The following ABLIM2 variants were observed in gnomAD, a reference collection of about 807,000 sequenced individuals.
ABLIM2 encodes actin-binding LIM protein 2.
A neutral mutation model predicts 97.7 loss-of-function variants in ABLIM2; 53 were observed. The observed-to-expected ratio is 0.54, with a 90% confidence interval of 0.44 to 0.68. ABLIM2 has a LOEUF of 0.68. Ranked by LOEUF, ABLIM2 falls within the 30% of genes least tolerant of loss-of-function variation. ABLIM2 has a pLI of 0.00. For synonymous variants in ABLIM2, 361 were observed against 345.8 expected (o/e 1.04, Z -0.49); for missense variants, 835 against 867.2 (o/e 0.96, Z 0.47).
chr4:8,002,890 C>T lies in ABLIM2; in HGVS notation c.1618+5169G>A, dbSNP rs1181300194. Among the ~76,000 whole-genome samples, 2 of 152,210 alleles carry T rather than the reference C, an allele frequency of 1.3e-5. No homozygotes were observed. Among genetic ancestry groups the T allele is most frequent in the Admixed American group, 6.5e-5 (1 of 15,272 alleles). ...ACCCACTTCAAGCCGTGCCAGGTACCGTCTCTCTGCACTGACTACTTACTG... is the reference window on the plus strand; with the variant it reads ...ACCCACTTCAAGCCGTGCCAGGTACTGTCTCTCTGCACTGACTACTTACTG... On this transcript the variant is annotated intron_variant, in intron 16 of 20. Coordinates refer to ENST00000447017, the MANE Select transcript of ABLIM2 (RefSeq NM_001130083.2). This position sits in a 1 kb window ranked among gnomAD's most constrained non-coding sequence, Gnocchi z 6.1.
intron 1 of ABLIM2, among the ~76,000 whole-genome samples, chr4:8,142,963 G>A (rs1384082971): frequency 1.3e-5 from 2 of 152,164 alleles, no homozygotes; most frequent in African/African-American, 4.8e-5. Flanking sequence ...ACGTGGCCTT[G>A]GGACCTGTTC....
chr4:8,027,619 A>C (rs1778228638), intron 12 of ABLIM2, 140 bp downstream of exon 12: 1 of 570,644 alleles, frequency 1.8e-6, no homozygotes, highest in African/African-American at 2.0e-5. Context: ...AGCCAGACAC[A>C]CAAGACACAC....
Position 7,970,970 on chromosome 4 carries a change from G to A in ABLIM2, c.1825-3867C>T, listed in dbSNP as rs1424411500. ...GCTCCAGTCCTGTTTTCTGTCTGCA[G>A]CGTGAGAGAACTTGGTTGCCTGGGT... On this transcript the variant is annotated intron_variant, in intron 20 of 20. Transcript: ENST00000447017. The surrounding 1 kb of genome is among the most constrained non-coding windows in gnomAD (Gnocchi z 5.3). 6.6e-6 allele frequency among the ~76,000 whole-genome samples: 1 copy of A among 152,108 alleles called. No individual in the cohort carries two copies. Among genetic ancestry groups the A allele is most frequent in the Non-Finnish European group, 1.5e-5 (1 of 67,988 alleles).
chr4:8,047,089 AC>A (rs1280027605), intron 8 of ABLIM2, among the ~76,000 whole-genome samples: 3 of 152,162 alleles, frequency 2.0e-5, no homozygotes, highest in Non-Finnish European at 4.4e-5. Flanking sequence ...CTCAGCGCAC[AC>A]CAGCGAGGAT....
At chr4:8,108,658 C>G (rs904005267) in intron 1 of ABLIM2, among the ~76,000 whole-genome samples, 4 of 152,252 alleles carry the variant, frequency 2.6e-5, no homozygotes, top group Non-Finnish European at 5.9e-5. Flanking sequence ...ACCAATCACA[C>G]GGGACGCCCC....
chr4:8,024,136 G>C (rs1775787568), intron 12 of ABLIM2, among the ~76,000 whole-genome samples: 2 of 152,180 alleles, frequency 1.3e-5, no homozygotes, highest in South Asian at 2.1e-4. Flanking sequence ...GCCTGGACCT[G>C]AGGCTCCATC....
intron 16 of ABLIM2, among the ~76,000 whole-genome samples, chr4:7,997,547 C>G (rs1578224999): frequency 6.6e-6 from 1 of 152,120 alleles, no homozygotes; most frequent in East Asian, 1.9e-4. Flanking sequence ...GGATTCTCTC[C>G]TGTCAAATTT....
chr4:8,050,127 T>C (rs969703522), intron 8 of ABLIM2, among the ~76,000 whole-genome samples: 6 of 152,210 alleles, frequency 3.9e-5, no homozygotes, highest in African/African-American at 7.2e-5. Flanking sequence ...TGTATTCTGA[T>C]TGATGTCTCG....
rs375510114 is a variant in ABLIM2, at chr4:8,005,987, C to A, written c.1618+2072G>T. 2.6e-5 allele frequency among the ~76,000 whole-genome samples: 4 copies of A among 152,326 alleles called. No homozygotes were observed. In the South Asian group the frequency reaches 8.3e-4, roughly 32 times the overall value. On this transcript the variant is annotated intron_variant, in intron 16 of 20. Transcript: ENST00000447017. The surrounding 1 kb of genome is among the most constrained non-coding windows in gnomAD (Gnocchi z 4.9). Reference sequence around the variant, plus strand: ...CGCAGCCTGCGTGCATCTGCACAGGCAGCCTGGGAGAAGAATGTGACGACA... The same window carrying A: ...CGCAGCCTGCGTGCATCTGCACAGGAAGCCTGGGAGAAGAATGTGACGACA...
At chr4:8,100,172 C>G (rs551039956) in intron 2 of ABLIM2, among the ~76,000 whole-genome samples, 5 of 152,280 alleles carry the variant, frequency 3.3e-5, no homozygotes, top group African/African-American at 1.2e-4. Flanking sequence ...ACTTTTCCCG[C>G]CCTTTGACCC....
rs1478836236 is a variant in ABLIM2, at chr4:8,044,903, A to C, written c.900+261T>G. Among the ~76,000 whole-genome samples the C allele has an allele frequency of 6.6e-6, 1 of 152,190 alleles. No homozygotes were observed. The highest frequency in any genetic ancestry group is 1.5e-5 in the Non-Finnish European group (1 of 68,036). On this transcript the variant is annotated intron_variant, in intron 9 of 20. Coordinates refer to ENST00000447017, the MANE Select transcript of ABLIM2 (RefSeq NM_001130083.2). The surrounding 1 kb of genome is among the most constrained non-coding windows in gnomAD (Gnocchi z 4.4). ...TATAAACAACAGCTGTGTACACACC[A>C]CTGTGTGGCTCTTGTCACCAGATAA...
chr4:8,045,300 G>A, intron 8 of ABLIM2, 59 bp from the exon 9 acceptor site: 3 of 1,462,954 alleles, frequency 2.1e-6, no homozygotes, highest in Non-Finnish European at 2.9e-6. Context: ...GCCTTCAGAG[G>A]CGACTGTCAG....
In ABLIM2 at chr4:8,054,227, C is replaced by T. The variant is rs377494224; in HGVS notation, c.783G>A (p.Pro261=). Residue 261 remains proline, a synonymous_variant, in exon 8 of 21, where the codon CCG becomes CCA. Coordinates refer to ENST00000447017, the MANE Select transcript of ABLIM2 (RefSeq NM_001130083.2). This position sits in a 1 kb window ranked among gnomAD's most constrained non-coding sequence, Gnocchi z 4.9. ...CAGTTCTGGCTGCTTGTCGACACGC[C>T]GGATGCCAGATGGAGGAACCTGTTG... ...MYLQGSSIWH[P]ACRQAARTED... is the part of the protein sequence containing the mutation. 70 of 1,614,022 alleles carry T rather than the reference C, an allele frequency of 4.3e-5. No individual in the cohort carries two copies. Among genetic ancestry groups the T allele is most frequent in the South Asian group, 3.2e-4 (29 of 91,080 alleles).
intron 1 of ABLIM2, among the ~76,000 whole-genome samples, chr4:8,126,551 G>A (rs1014858725): frequency 1.3e-5 from 2 of 151,964 alleles, no homozygotes; most frequent in African/African-American, 4.8e-5. Context: ...CAGGATTGGA[G>A]CTATTGGAAT....
At chr4:8,049,577 C>T (rs550553168) in intron 8 of ABLIM2, among the ~76,000 whole-genome samples, 9 of 152,198 alleles carry the variant, frequency 5.9e-5, no homozygotes, top group South Asian at 4.1e-4. Context: ...TTAACATCAA[C>T]GCAGACCTTA....
intron 12 of ABLIM2, among the ~76,000 whole-genome samples, chr4:8,027,042 T>C (rs1359341641): frequency 1.3e-5 from 2 of 152,136 alleles, no homozygotes; most frequent in African/African-American, 4.8e-5. Flanking sequence ...TGGCGTCTCT[T>C]CTCTTCTTAT....
At chr4:8,096,282 C>G (rs960791567) in intron 3 of ABLIM2, among the ~76,000 whole-genome samples, 3 of 152,232 alleles carry the variant, frequency 2.0e-5, no homozygotes, top group African/African-American at 7.2e-5. Flanking sequence ...GCTCCAGTGA[C>G]TCCAATGCGA....
At chr4:8,065,498 T>C (rs1158988185) in intron 6 of ABLIM2, among the ~76,000 whole-genome samples, 1 of 152,212 alleles carries the variant, frequency 6.6e-6, no homozygotes, top group East Asian at 1.9e-4. Flanking sequence ...GCGCTGCTGA[T>C]GGAAACACAA....
chr4:7,968,336 C>T (rs1724694825), intron 20 of ABLIM2, among the ~76,000 whole-genome samples: 2 of 152,256 alleles, frequency 1.3e-5, no homozygotes, highest in African/African-American at 4.8e-5. Flanking sequence ...TGGACAGACA[C>T]CCGGAGGAAT....
Sources: allele counts gnomAD v4.1 joint callset (sites outside exome capture counted in the v4.1 genomes callset), GRCh38; gene constraint gnomAD v4.1.1; non-coding constraint Gnocchi (gnomAD v3.1); transcripts MANE v1.5; gene names NCBI Gene and HGNC (gene_info 2026-07-23, HGNC 2026-07-21).